The following WASHC5 variants were observed in gnomAD, a reference collection of about 807,000 sequenced individuals.
WASHC5 encodes the protein WASH complex subunit 5.
In WASHC5, 101 loss-of-function variants were observed where a neutral mutation model predicts 150.4. The ratio of observed to expected loss-of-function variants is 0.67; its 90% CI spans 0.57 to 0.79. WASHC5 has a LOEUF of 0.79. Ranked by LOEUF, WASHC5 falls within the 30% of genes least tolerant of loss-of-function variation. The probability of loss-of-function intolerance (pLI) is 0.00; values close to 1 mark genes in which losing one functional copy is unlikely to be tolerated. For synonymous variants in WASHC5, 467 were observed against 491.2 expected (o/e 0.95, Z 0.65); for missense variants, 1,195 against 1,396.3 (o/e 0.86, Z 2.30).
intron 14 of WASHC5, 36 bp downstream of exon 14, chr8:125,059,186 T>C (rs1346481106): frequency 1.3e-6 from 2 of 1,506,478 alleles, no homozygotes; most frequent in African/African-American, 2.8e-5. Flanking sequence ...GCCAACTCTT[T>C]CCTAGCAACA....
intron 28 of WASHC5, among the ~76,000 whole-genome samples, chr8:125,026,642 C>T (rs1223784128): frequency 6.6e-6 from 1 of 152,078 alleles, no homozygotes; most frequent in African/African-American, 2.4e-5. Flanking sequence ...GAACTTACAT[C>T]TATTGACTAA....
chr8:125,039,067 G>T, intron 24 of WASHC5, 108 bp from the exon 25 acceptor site: 1 of 1,225,928 alleles, frequency 8.2e-7, no homozygotes. Context: ...TTCCTCATCT[G>T]TAAAATGAGA....
intron 10 of WASHC5, among the ~76,000 whole-genome samples, chr8:125,064,250 T>C (rs1004551093): frequency 6.6e-6 from 1 of 152,188 alleles, no homozygotes; most frequent in Non-Finnish European, 1.5e-5. Flanking sequence ...TTGCCCAGGC[T>C]AGAGTGCAGT....
intron 18 of WASHC5, 33 bp from the exon 19 acceptor site, chr8:125,049,218 CT>C (rs760090851): frequency 1.2e-6 from 2 of 1,608,268 alleles, no homozygotes; most frequent in South Asian, 2.2e-5. Context: ...AGCTCTTACA[CT>C]GGAGTAGATT....
At chr8:125,045,600 T>C (rs1373050331) in intron 20 of WASHC5, among the ~76,000 whole-genome samples, 1 of 152,198 alleles carries the variant, frequency 6.6e-6, no homozygotes, top group East Asian at 1.9e-4. Flanking sequence ...ACATATCCTA[T>C]TGTCCAAAGC....
At chr8:125,034,093 C>T (rs78361991) in intron 26 of WASHC5, among the ~76,000 whole-genome samples, 1 of 152,040 alleles carries the variant, frequency 6.6e-6, no homozygotes. Flanking sequence ...ACAGGCACTT[C>T]GCAGAGAAGG....
At chr8:125,083,592 C>T (rs1001720545) in intron 2 of WASHC5, 121 bp downstream of exon 2, 16 of 779,246 alleles carry the variant, frequency 2.1e-5, no homozygotes, top group Admixed American at 1.1e-4. Flanking sequence ...TAAGTTTAGT[C>T]GAAAAGCTCT....
At chr8:125,087,753 T>A (rs1817463607) in intron 1 of WASHC5, among the ~76,000 whole-genome samples, 1 of 151,386 alleles carries the variant, frequency 6.6e-6, no homozygotes, top group Non-Finnish European at 1.5e-5. Flanking sequence ...AAAAAAAAAT[T>A]TTCTCACATG....
intron 1 of WASHC5, 150 bp from the exon 2 acceptor site, chr8:125,084,172 C>T: frequency 2.3e-6 from 1 of 442,464 alleles, no homozygotes; most frequent in Non-Finnish European, 4.2e-6. Context: ...ATCTGTCACT[C>T]TTCATATTTT....
intron 10 of WASHC5, among the ~76,000 whole-genome samples, chr8:125,064,135 T>C (rs890602979): frequency 1.3e-5 from 2 of 151,186 alleles, no homozygotes; most frequent in African/African-American, 4.9e-5. Context: ...TGTTTTATTA[T>C]ACAAGTTTAA....
Position 125,047,320 on chromosome 8 carries a change from C to G in WASHC5, c.2391G>C (p.Trp797Cys), listed in dbSNP as rs374450985. 1 of 1,613,546 alleles carries G rather than the reference C, an allele frequency of 6.2e-7. No individual in the cohort carries two copies. The highest frequency in any genetic ancestry group is 1.3e-5 in the African/African-American group (1 of 74,880). The part of the protein sequence containing the change: ...NNFLRTKIQD[W>C]QSMYQSTHIP... ...TATGAGTGGACTGGTACATGCTTTG[C>G]CAATCTTGAATCTAGAAAACAAAAC... Residue 797 changes from tryptophan (W) to cysteine (C), a missense_variant, in exon 20 of 29, where the codon TGG becomes TGC. Coordinates refer to ENST00000318410, the MANE Select transcript of WASHC5 (RefSeq NM_014846.4).
chr8:125,073,023 CTT>C, intron 9 of WASHC5, 128 bp downstream of exon 9: 1 of 996,490 alleles, frequency 1.0e-6, no homozygotes, highest in Middle Eastern at 2.7e-4. Flanking sequence ...AAATGACTAA[CTT>C]TAAAAAGCAA....
At chr8:125,073,438 T>C (rs1461831324) in intron 8 of WASHC5, 114 bp from the exon 9 acceptor site, 1 of 902,426 alleles carries the variant, frequency 1.1e-6, no homozygotes, top group South Asian at 1.4e-5. Flanking sequence ...ATGAATGACA[T>C]ATGGATTACA....
chr8:125,061,316 T>C, intron 11 of WASHC5, 122 bp from the exon 12 acceptor site: 1 of 634,336 alleles, frequency 1.6e-6, no homozygotes, highest in South Asian at 1.7e-5. Flanking sequence ...GGCCTAACAC[T>C]AGGAATTTTC....
intron 7 of WASHC5, 29 bp downstream of exon 7, chr8:125,076,319 T>G: frequency 6.2e-7 from 1 of 1,607,796 alleles, no homozygotes; most frequent in Non-Finnish European, 8.5e-7. Flanking sequence ...ACACATTTAC[T>G]GTAGAGGAAA....
At position 125,024,479 on chromosome 8, in the gene WASHC5, A is replaced by C; in HGVS notation, c.*138T>G. The C allele has an allele frequency of 1.4e-6, 1 of 723,302 alleles. No homozygotes were observed. Among genetic ancestry groups the C allele is most frequent in the Non-Finnish European group, 2.6e-6 (1 of 391,380 alleles). The allele number at this position is 723,302 out of a possible 1,614,324, so 44.8% of individuals were successfully genotyped here. A position where few individuals can be genotyped will look rare whatever the true frequency, so the allele number is the denominator to read the frequency against. ...TAATGCCATGAGATATATCTTACTCAGAACGTCTGATGTTTCCCATAATAG... is the reference window on the plus strand; with the variant it reads ...TAATGCCATGAGATATATCTTACTCCGAACGTCTGATGTTTCCCATAATAG... On this transcript the variant is annotated 3_prime_UTR_variant, in exon 29 of 29. Transcript: ENST00000318410.
chr8:125,090,335 T>C (rs1817566637), intron 1 of WASHC5, among the ~76,000 whole-genome samples: 1 of 152,214 alleles, frequency 6.6e-6, no homozygotes, highest in African/African-American at 2.4e-5. Flanking sequence ...GGTAGGTGGA[T>C]GGCTTTACAA....
intron 1 of WASHC5, among the ~76,000 whole-genome samples, chr8:125,090,085 G>C (rs763261977): frequency 1.3e-5 from 2 of 152,170 alleles, no homozygotes; most frequent in African/African-American, 4.8e-5. Flanking sequence ...TTTGAAGATG[G>C]AAGAAGTTAA....
intron 20 of WASHC5, among the ~76,000 whole-genome samples, chr8:125,046,302 G>C (rs1816066809): frequency 6.6e-6 from 1 of 150,910 alleles, no homozygotes; most frequent in Non-Finnish European, 1.5e-5. Context: ...TGAAGAAAAA[G>C]GAGGAAAACT....
Sources: allele counts gnomAD v4.1 joint callset (sites outside exome capture counted in the v4.1 genomes callset), GRCh38; gene constraint gnomAD v4.1.1; transcripts MANE v1.5; gene names NCBI Gene and HGNC (gene_info 2026-07-23, HGNC 2026-07-21).